BBS9: variants seen among roughly 807,000 people sequenced by gnomAD.
BBS9 encodes the protein protein PTHB1.
A neutral mutation model predicts 117.7 loss-of-function variants in BBS9; 89 were observed. That is an observed-to-expected ratio of 0.76 (90% CI 0.64 to 0.90). The LOEUF is 0.90. Among genes scored for constraint, BBS9 ranks in the 40% least tolerant of loss-of-function variants. BBS9 has a pLI of 0.00. For synonymous variants in BBS9, 379 were observed against 370.9 expected, an observed-to-expected ratio of 1.02 and a Z score of -0.25; for missense variants, 982 against 1,042.2, an observed-to-expected ratio of 0.94 and a Z score of 0.80.
chr7:33,588,299 G>C (rs1665832162), intron 21 of BBS9, among the ~76,000 whole-genome samples: 1 of 152,070 alleles, frequency 6.6e-6, no homozygotes, highest in Admixed American at 6.6e-5. Context: ...GTCTACTGGG[G>C]GAGTAGAAAG....
chr7:33,232,077 A>G (rs548469748), intron 5 of BBS9, among the ~76,000 whole-genome samples: 2 of 152,254 alleles, frequency 1.3e-5, no homozygotes, highest in South Asian at 2.1e-4. Context: ...TCTTGTTACA[A>G]CTGTTAGATC....
intron 5 of BBS9, among the ~76,000 whole-genome samples, chr7:33,189,691 T>G (rs950028136): frequency 2.0e-5 from 3 of 150,598 alleles, no homozygotes; most frequent in Non-Finnish European, 3.0e-5. Context: ...ATCAAGACCA[T>G]CCTGGCCAAC....
At chr7:33,281,773 C>T (rs938736804) in intron 9 of BBS9, among the ~76,000 whole-genome samples, 3 of 151,972 alleles carry the variant, frequency 2.0e-5, no homozygotes, top group Non-Finnish European at 4.4e-5. Flanking sequence ...ATTTCACCTT[C>T]AGACTTTATT....
intron 5 of BBS9, among the ~76,000 whole-genome samples, chr7:33,228,213 C>T (rs866054595): frequency 1.3e-5 from 2 of 152,170 alleles, no homozygotes; most frequent in Middle Eastern, 3.4e-3. Context: ...TTTTAATTTG[C>T]ATTTCCCTGA....
chr7:33,578,915 T>C (rs1253307932), intron 21 of BBS9, among the ~76,000 whole-genome samples: 4 of 152,190 alleles, frequency 2.6e-5, no homozygotes, highest in Non-Finnish European at 5.9e-5. Flanking sequence ...GTATGAAACA[T>C]TGGAGTAAAG....
In BBS9 at chr7:33,439,169, G is replaced by A. The variant is rs535620634; in HGVS notation, c.2115+51025G>A. On this transcript the variant is annotated intron_variant, in intron 19 of 22. Coordinates refer to ENST00000242067, the MANE Select transcript of BBS9 (RefSeq NM_198428.3). ...CCTAGTTTTTTTCCCTGGGCCAGCTGGGAAGGACTATCTCACCTTTTCTTA... is the reference window on the plus strand; with the variant it reads ...CCTAGTTTTTTTCCCTGGGCCAGCTAGGAAGGACTATCTCACCTTTTCTTA... 3.9e-5 allele frequency among the ~76,000 whole-genome samples: 6 copies of A among 152,280 alleles called. No individual in the cohort carries two copies. In the South Asian group the frequency reaches 1.0e-3, roughly 26 times the overall value.
intron 4 of BBS9, among the ~76,000 whole-genome samples, chr7:33,170,219 C>A (rs1418142296): frequency 1.3e-5 from 2 of 150,446 alleles, no homozygotes; most frequent in East Asian, 3.9e-4. Flanking sequence ...TACTGGCAAA[C>A]CGAATCCAGC....
At chr7:33,601,790 A>C (rs1863834698) in intron 21 of BBS9, among the ~76,000 whole-genome samples, 1 of 152,128 alleles carries the variant, frequency 6.6e-6, no homozygotes, top group African/African-American at 2.4e-5. Flanking sequence ...AATCCTTATA[A>C]TTACATGCCA....
chr7:33,611,079 G>A (rs938003183), intron 21 of BBS9, among the ~76,000 whole-genome samples: 7 of 152,070 alleles, frequency 4.6e-5, no homozygotes, highest in Non-Finnish European at 1.0e-4. Flanking sequence ...CGCTTCATTG[G>A]CTCCAGGATC....
At chr7:33,545,447 G>A (rs1025704777) in intron 21 of BBS9, among the ~76,000 whole-genome samples, 8 of 152,032 alleles carry the variant, frequency 5.3e-5, no homozygotes, top group African/African-American at 1.4e-4. Context: ...AAGTAAAGTC[G>A]GAAACTTCTC....
chr7:33,339,531 TC>T (rs1816083496), intron 10 of BBS9, among the ~76,000 whole-genome samples: 1 of 152,192 alleles, frequency 6.6e-6, no homozygotes, highest in Admixed American at 6.5e-5. Context: ...TGTAGGCAGT[TC>T]CTTTTTTTGT....
intron 19 of BBS9, among the ~76,000 whole-genome samples, chr7:33,435,982 G>C (rs1835252469): frequency 6.6e-6 from 1 of 152,138 alleles, no homozygotes; most frequent in Admixed American, 6.5e-5. Flanking sequence ...AGGTGGCTTT[G>C]GTCTTCCCAT....
At chr7:33,355,123 G>A (rs1261263264) in intron 15 of BBS9, among the ~76,000 whole-genome samples, 2 of 152,022 alleles carry the variant, frequency 1.3e-5, no homozygotes, top group African/African-American at 4.8e-5. Flanking sequence ...CAACTAAGTT[G>A]AAAGCTGTTC....
At chr7:33,610,006 A>T (rs1320480665), downstream of BBS9, among the ~76,000 whole-genome samples, 2 of 152,040 alleles carry the variant, frequency 1.3e-5, no homozygotes, top group Non-Finnish European at 2.9e-5. Flanking sequence ...GGCAGAAGAG[A>T]CAGTAGTTTT....
At chr7:33,251,628 C>T (rs1164118486) in intron 5 of BBS9, among the ~76,000 whole-genome samples, 1 of 152,210 alleles carries the variant, frequency 6.6e-6, no homozygotes, top group African/African-American at 2.4e-5. Flanking sequence ...AACATTAATA[C>T]AACATGTAGT....
intron 19 of BBS9, among the ~76,000 whole-genome samples, chr7:33,487,025 A>G (rs1181792118): frequency 2.0e-5 from 3 of 152,186 alleles, no homozygotes; most frequent in Admixed American, 2.0e-4. Flanking sequence ...TTATTTTATA[A>G]ATTGGAATTC....
intron 9 of BBS9, among the ~76,000 whole-genome samples, chr7:33,332,085 G>A (rs1463323063): frequency 1.3e-5 from 2 of 151,968 alleles, no homozygotes; most frequent in African/African-American, 4.8e-5. Flanking sequence ...AAACAGCATG[G>A]TAGTGGTATA....
Position 33,367,815 on chromosome 7 carries a change from A to G in BBS9, c.1742A>G (p.His581Arg). ...GATCAGGTGAATGTAATGGGTTTTC[A>G]CTTCTTAGGAGGTGCTCGAATTACT... ...DDDQVNVMGFHFLGGARITVL... is the reference protein window; with the variant it reads ...DDDQVNVMGFRFLGGARITVL... Residue 581 changes from histidine to arginine, a missense_variant, in exon 17 of 23, where the codon CAC (histidine) becomes CGC (arginine). Transcript: ENST00000242067. 1 of 1,613,832 alleles carries G rather than the reference A, an allele frequency of 6.2e-7. No individual in the cohort carries two copies. The highest frequency in any genetic ancestry group is 8.5e-7 in the Non-Finnish European group (1 of 1,179,838).
At chr7:33,253,881 G>A (rs1796613295) in intron 5 of BBS9, among the ~76,000 whole-genome samples, 1 of 152,146 alleles carries the variant, frequency 6.6e-6, no homozygotes, top group South Asian at 2.1e-4. Flanking sequence ...GTAAATAGAG[G>A]ACTGTAAGTG....
Sources: allele counts gnomAD v4.1 joint callset (sites outside exome capture counted in the v4.1 genomes callset), GRCh38; gene constraint gnomAD v4.1.1; transcripts MANE v1.5; gene names NCBI Gene and HGNC (gene_info 2026-07-23, HGNC 2026-07-21).